KCNIP4: variants seen among roughly 807,000 people sequenced by gnomAD.
KCNIP4 encodes Kv channel-interacting protein 4.
In KCNIP4, 12 loss-of-function variants were observed where a neutral mutation model predicts 34.0. That is an observed-to-expected ratio of 0.35 (90% CI 0.23 to 0.57). The LOEUF (loss-of-function observed/expected upper bound fraction) is 0.57. Ranked by LOEUF, KCNIP4 falls within the 20% of genes least tolerant of loss-of-function variation. The pLI is 0.83. For synonymous variants in KCNIP4, 124 were observed against 102.2 expected, an observed-to-expected ratio of 1.21 and a Z score of -1.29; for missense variants, 238 against 311.7, an observed-to-expected ratio of 0.76 and a Z score of 1.78.
In KCNIP4 at chr4:20,869,664, A is replaced by C. The variant is rs528027148; in HGVS notation, c.163+12944T>G. Among the ~76,000 whole-genome samples the C allele has an allele frequency of 3.3e-5, 5 of 152,178 alleles. No individual in the cohort carries two copies. The South Asian group carries it at 1.0e-3, about 32-fold the overall frequency. ...TAATTTTAAAATTTATAAACTGGGG[A>C]TAATATTTGTATCAATTTCTTAAAG... On this transcript the variant is annotated intron_variant, in intron 2 of 8. Coordinates refer to ENST00000382152, the MANE Select transcript of KCNIP4 (RefSeq NM_025221.6).
At chr4:21,297,175 A>G (rs1312235201) in intron 1 of KCNIP4, among the ~76,000 whole-genome samples, 1 of 151,858 alleles carries the variant, frequency 6.6e-6, no homozygotes, top group Non-Finnish European at 1.5e-5. Context: ...AATACCCACC[A>G]GACCAGTTTT....
At chr4:21,200,796 A>C (rs555551320) in intron 1 of KCNIP4, among the ~76,000 whole-genome samples, 112 of 152,070 alleles carry the variant, frequency 7.4e-4, no homozygotes, top group South Asian at 1.7e-3. Context: ...TGAAATAAAA[A>C]AAATAAAAAT....
intron 1 of KCNIP4, among the ~76,000 whole-genome samples, chr4:21,624,379 T>TCACAG (rs1745186367): frequency 6.6e-6 from 1 of 152,134 alleles, no homozygotes; most frequent in African/African-American, 2.4e-5. Flanking sequence ...GTCACATATA[T>TCACAG]TTATACACTA....
intron 1 of KCNIP4, among the ~76,000 whole-genome samples, chr4:21,217,496 G>C (rs75009545): frequency 0.031 from 4,753 of 152,226 alleles, 90 homozygotes; most frequent in African/African-American, 0.042. Context: ...TGTTACAGCA[G>C]GCCAGTAACC....
chr4:21,815,743 G>A (rs1426336475), intron 1 of KCNIP4, among the ~76,000 whole-genome samples: 3 of 152,020 alleles, frequency 2.0e-5, no homozygotes. Context: ...TATTATTCTA[G>A]TATACTTTTT....
intron 1 of KCNIP4, among the ~76,000 whole-genome samples, chr4:21,528,775 GA>G (rs1258936244): frequency 1.6e-4 from 2 of 12,406 alleles, no homozygotes; most frequent in African/African-American, 6.8e-4. Flanking sequence ...AAGAAAGAAA[GA>G]AAGGAAGAAA....
chr4:21,313,516 C>A (rs1713408503), intron 1 of KCNIP4, among the ~76,000 whole-genome samples: 1 of 152,022 alleles, frequency 6.6e-6, no homozygotes, highest in South Asian at 2.1e-4. Flanking sequence ...ACAAATATTT[C>A]AAATAAAAAA....
chr4:21,911,651 C>CAG (rs1233749056), intron 1 of KCNIP4, among the ~76,000 whole-genome samples: 6 of 108,764 alleles, frequency 5.5e-5, no homozygotes, highest in Admixed American at 1.1e-4. Context: ...CACACACACA[C>CAG]ACACAGAGTC....
At chr4:21,095,389 C>T (rs1348645512) in intron 1 of KCNIP4, among the ~76,000 whole-genome samples, 2 of 152,126 alleles carry the variant, frequency 1.3e-5, no homozygotes, top group Non-Finnish European at 2.9e-5. Flanking sequence ...ATTCATAAAA[C>T]GTTGGAAATT....
At chr4:21,583,010 T>C (rs1741351626) in intron 1 of KCNIP4, among the ~76,000 whole-genome samples, 2 of 151,992 alleles carry the variant, frequency 1.3e-5, no homozygotes, top group Non-Finnish European at 2.9e-5. Flanking sequence ...TAACTAAAAA[T>C]CCACAACTGC....
chr4:21,386,008 A>G (rs2109493922), intron 1 of KCNIP4, among the ~76,000 whole-genome samples: 1 of 152,294 alleles, frequency 6.6e-6, no homozygotes, highest in South Asian at 2.1e-4. Context: ...TCAAGGAAAA[A>G]ATATCACACT....
intron 1 of KCNIP4, among the ~76,000 whole-genome samples, chr4:21,086,737 C>T (rs1441302905): frequency 1.3e-5 from 2 of 152,142 alleles, no homozygotes; most frequent in Admixed American, 6.5e-5. Context: ...TTTTCTCCTA[C>T]CATTAAGACC....
intron 1 of KCNIP4, among the ~76,000 whole-genome samples, chr4:21,388,580 T>C (rs1394066543): frequency 1.3e-5 from 2 of 152,174 alleles, no homozygotes; most frequent in African/African-American, 2.4e-5. Flanking sequence ...GTTCAGTACA[T>C]GCACAGTTGT....
intron 1 of KCNIP4, among the ~76,000 whole-genome samples, chr4:20,950,143 A>AG (rs1467435570): frequency 6.6e-6 from 1 of 151,254 alleles, no homozygotes; most frequent in East Asian, 1.9e-4. Flanking sequence ...AAAAAAAAAA[A>AG]AAGAAAATAC....
At chr4:21,115,995 C>G (rs1030750695) in intron 1 of KCNIP4, among the ~76,000 whole-genome samples, 1 of 152,134 alleles carries the variant, frequency 6.6e-6, no homozygotes, top group Admixed American at 6.6e-5. Flanking sequence ...TAAACAGTGA[C>G]AAACAGTGAA....
intron 1 of KCNIP4, among the ~76,000 whole-genome samples, chr4:20,928,502 C>A (rs1364333138): frequency 6.6e-6 from 1 of 151,382 alleles, no homozygotes; most frequent in African/African-American, 2.4e-5. Flanking sequence ...ACAATAAATG[C>A]CTACATTAAA....
chr4:21,526,510 C>A (rs1735986455), intron 1 of KCNIP4, among the ~76,000 whole-genome samples: 1 of 152,012 alleles, frequency 6.6e-6, no homozygotes, highest in Admixed American at 6.6e-5. Flanking sequence ...CTGTATGTAA[C>A]AAAATTGAAG....
intron 1 of KCNIP4, among the ~76,000 whole-genome samples, chr4:21,139,332 T>C (rs2109202742): frequency 6.6e-6 from 1 of 152,292 alleles, no homozygotes; most frequent in African/African-American, 2.4e-5. Flanking sequence ...AAGCACCTCT[T>C]TCAGTTTTAT....
At chr4:20,927,063 C>T (rs978082331) in intron 1 of KCNIP4, among the ~76,000 whole-genome samples, 5 of 152,010 alleles carry the variant, frequency 3.3e-5, no homozygotes, top group African/African-American at 1.2e-4. Context: ...ACTGCAACCT[C>T]CGCCTCCTGG....
Sources: gnomAD v4.1 joint callset for allele counts (sites outside exome capture counted in the v4.1 genomes callset) on GRCh38, gnomAD v4.1.1 for gene constraint, MANE v1.5 for transcripts, NCBI Gene and HGNC (gene_info 2026-07-23, HGNC 2026-07-21) for gene names.